The following PCDHGB6 variants were observed in gnomAD, a reference collection of about 807,000 sequenced individuals.
The protein encoded by PCDHGB6 is protocadherin gamma subfamily B, 6, also known as protocadherin gamma-B6.
PCDHGB6 carries 51 observed loss-of-function variants against 59.1 expected under a neutral mutation model. The ratio of observed to expected loss-of-function variants is 0.86; its 90% CI spans 0.69 to 1.09. The LOEUF (loss-of-function observed/expected upper bound fraction) is 1.09. Ranked by LOEUF, PCDHGB6 falls within the 50% of genes least tolerant of loss-of-function variation. PCDHGB6 has a pLI of 0.00. For missense variants in PCDHGB6, 1,148 were observed against 1,205.1 expected (o/e 0.95, Z 0.70); for synonymous variants, 466 against 495.1 (o/e 0.94, Z 0.78).
In PCDHGB6 at chr5:141,471,046, CTTT is replaced by C. The variant is rs1170588345; in HGVS notation, c.2419-23743_2419-23741del. ...ATTTTTATTAACAAGCCCAAGCCCT[CTTT>C]TTTTTTTTTTTTTTTTTGAGACAGG... On this transcript the variant is annotated intron_variant, in intron 1 of 3. Coordinates refer to ENST00000520790, the MANE Select transcript of PCDHGB6 (RefSeq NM_018926.3). 4.8e-4 allele frequency among the ~76,000 whole-genome samples: 54 copies of C among 113,240 alleles called. 1 individual carries two copies. Among genetic ancestry groups the C allele is most frequent in the Middle Eastern group, 5.2e-3 (1 of 192 alleles). 74.3% of individuals were successfully genotyped at this position (113,240 alleles called of 152,430 possible).
At chr5:141,423,429 A>G (rs1590473158) in intron 1 of PCDHGB6, 2 of 1,613,960 alleles carry the variant, frequency 1.2e-6, no homozygotes, top group African/African-American at 1.3e-5. Flanking sequence ...GCGGGTTGGC[A>G]GGTATGCCCA....
chr5:141,485,641 G>T lies in PCDHGB6; in HGVS notation c.2419-9166G>T. The T allele has an allele frequency of 6.2e-7, 1 of 1,612,012 alleles. No individual in the cohort carries two copies. Among genetic ancestry groups the T allele is most frequent in the Non-Finnish European group, 8.5e-7 (1 of 1,178,470 alleles). On this transcript the variant is annotated intron_variant, in intron 1 of 3. Transcript: ENST00000520790. The surrounding 1 kb of genome is among the most constrained non-coding windows in gnomAD (Gnocchi z 5.7). Reference sequence around the variant, plus strand: ...CAGGACAGCGTTTCCCGTTGGAAAAGGCTCAGGATGCAGATGTGGGGAGCA... The same window carrying T: ...CAGGACAGCGTTTCCCGTTGGAAAATGCTCAGGATGCAGATGTGGGGAGCA...
chr5:141,418,840 C>G, intron 1 of PCDHGB6: 1 of 1,614,006 alleles, frequency 6.2e-7, no homozygotes. Flanking sequence ...GAGGATCTCT[C>G]TCAACACGGT....
chr5:141,415,270 G>A (rs1044469814), intron 1 of PCDHGB6: 1 of 1,614,118 alleles, frequency 6.2e-7, no homozygotes, highest in Non-Finnish European at 8.5e-7. Flanking sequence ...GTACCTGGTG[G>A]TAGCGGTGGC....
chr5:141,442,818 C>A (rs553817796), intron 1 of PCDHGB6, among the ~76,000 whole-genome samples: 1 of 151,882 alleles, frequency 6.6e-6, no homozygotes, highest in Non-Finnish European at 1.5e-5. Context: ...TGTACTGATC[C>A]AAAAATAAGG....
intron 1 of PCDHGB6, among the ~76,000 whole-genome samples, chr5:141,472,422 C>T (rs1328468154): frequency 6.6e-6 from 1 of 152,008 alleles, no homozygotes; most frequent in East Asian, 1.9e-4. Flanking sequence ...GCACCTGTAT[C>T]CCAGCTACTA....
intron 1 of PCDHGB6, chr5:141,441,986 C>A (rs2098288559): frequency 1.1e-5 from 3 of 269,098 alleles, no homozygotes; most frequent in South Asian, 7.5e-5. Context: ...GAATGCGCAC[C>A]GACGAGGTGC....
At chr5:141,473,858 C>G (rs569473917) in intron 1 of PCDHGB6, among the ~76,000 whole-genome samples, 1 of 152,286 alleles carries the variant, frequency 6.6e-6, no homozygotes, top group Admixed American at 6.5e-5. Flanking sequence ...ATGAACCTCG[C>G]TATTGTGGAG....
At position 141,485,149 on chromosome 5, in the gene PCDHGB6, A is replaced by G; in HGVS notation, c.2419-9658A>G. 6.3e-7 allele frequency: 1 copy of G among 1,578,106 alleles called. No individual in the cohort carries two copies. Among genetic ancestry groups the G allele is most frequent in the South Asian group, 1.1e-5 (1 of 89,070 alleles). ...CGGCTTCATCCGCGTCTCAGGAGCA[A>G]GTAGAGAATTAGCGGGCGGCAGCAA... On this transcript the variant is annotated intron_variant, in intron 1 of 3. Transcript: ENST00000520790. This position sits in a 1 kb window ranked among gnomAD's most constrained non-coding sequence, Gnocchi z 5.7.
At chr5:141,411,881 G>T (rs1299555823) in intron 1 of PCDHGB6, 2 of 152,114 alleles carry the variant, frequency 1.3e-5, no homozygotes, top group Middle Eastern at 3.2e-3. Flanking sequence ...ACATTTCTAA[G>T]AAATAAATGA....
In PCDHGB6 at chr5:141,408,959, G is replaced by A. The variant is rs1434961395; in HGVS notation, c.757G>A (p.Glu253Lys). The part of the protein sequence containing the change: ...SRDEYRISLS[E>K]NLPPGSPVLQ... Reference sequence around the variant, plus strand: ...AGACGAATATAGAATTAGTCTTAGTGAAAATCTGCCCCCTGGGTCCCCTGT... The same window carrying A: ...AGACGAATATAGAATTAGTCTTAGTAAAAATCTGCCCCCTGGGTCCCCTGT... The change falls in exon 1 of 4, where the codon GAA becomes AAA. Residue 253 changes from glutamate (E) to lysine (K), a missense_variant. Glu to Lys is a moderately conservative substitution (Grantham distance 56). Around this residue, in one of 5 missense-constraint regions of PCDHGB6, gnomAD observed 307 missense variants for 323.8 expected, o/e 0.95. Transcript: ENST00000520790. The A allele has an allele frequency of 6.2e-7, 1 of 1,613,722 alleles. No homozygotes were observed. Among genetic ancestry groups the A allele is most frequent in the East Asian group, 2.2e-5 (1 of 44,878 alleles).
At chr5:141,483,918 T>G (rs2099588800) in intron 1 of PCDHGB6, among the ~76,000 whole-genome samples, 1 of 150,512 alleles carries the variant, frequency 6.6e-6, no homozygotes, top group Non-Finnish European at 1.5e-5. Flanking sequence ...CCACTCAGAT[T>G]GCAGGTCGTA....
intron 1 of PCDHGB6, chr5:141,415,772 T>C (rs540545854): frequency 4.5e-6 from 6 of 1,336,628 alleles, no homozygotes; most frequent in African/African-American, 1.8e-5. Context: ...TTTTTTTTTT[T>C]ACTTTCTGGT....
chr5:141,478,249 A>T, intron 1 of PCDHGB6: 1 of 1,614,110 alleles, frequency 6.2e-7, no homozygotes, highest in African/African-American at 1.3e-5. Context: ...CAGTGTTCGG[A>T]GTAATCATAT....
chr5:141,422,996 C>G lies in PCDHGB6; in HGVS notation c.2418+12376C>G. 1.2e-6 allele frequency: 2 copies of G among 1,614,224 alleles called. No homozygotes were observed. The highest frequency in any genetic ancestry group is 1.7e-6 in the Non-Finnish European group (2 of 1,180,046). On this transcript the variant is annotated intron_variant, in intron 1 of 3. Coordinates refer to ENST00000520790, the MANE Select transcript of PCDHGB6 (RefSeq NM_018926.3). ...TCTGCGGAACCTGGCTACCTGGTGA[C>G]CAAGGTGGTTGCGGTGGACAAAGAT...
At chr5:141,430,846 C>CCA in intron 1 of PCDHGB6, 1 of 1,576,346 alleles carries the variant, frequency 6.3e-7, no homozygotes, top group Non-Finnish European at 8.6e-7. Context: ...CCGGATGCAC[C>CCA]CAGATACGCT....
Position 141,491,162 on chromosome 5 carries a change from C to T in PCDHGB6, c.2419-3645C>T. 6.2e-7 allele frequency: 1 copy of T among 1,614,112 alleles called. No homozygotes were observed. Among genetic ancestry groups the T allele is most frequent in the Non-Finnish European group, 8.5e-7 (1 of 1,179,952 alleles). On this transcript the variant is annotated intron_variant, in intron 1 of 3. Coordinates refer to ENST00000520790, the MANE Select transcript of PCDHGB6 (RefSeq NM_018926.3). This position sits in a 1 kb window ranked among gnomAD's most constrained non-coding sequence, Gnocchi z 6.9. ...GCCTTACTGGAGGATGACTCTGACA[C>T]CCAGCAGGTGGTGGTCCTGGTGAGG...
rs1370251538 is a variant in PCDHGB6 at position 141,410,544 on chromosome 5, G to A, written c.2342G>A (p.Cys781Tyr). The change falls in exon 1 of 4, where the codon TGC (cysteine) becomes TAC (tyrosine). Residue 781 changes from cysteine to tyrosine, a missense_variant. Transcript: ENST00000520790. Reference sequence around the variant, plus strand: ...CTACATTCCAATGAAGACATGGTTTGCAGTGTTTCTCCTGGAGCCTTAATT... The same window carrying A: ...CTACATTCCAATGAAGACATGGTTTACAGTGTTTCTCCTGGAGCCTTAATT... ...VPLHSNEDMV[C>Y]SVSPGALIPP... 1.9e-6 allele frequency: 3 copies of A among 1,613,640 alleles called. No individual in the cohort carries two copies. Among genetic ancestry groups the A allele is most frequent in the Non-Finnish European group, 2.5e-6 (3 of 1,179,894 alleles).
At chr5:141,447,650 T>TC (rs1036312126) in intron 1 of PCDHGB6, among the ~76,000 whole-genome samples, 5 of 151,988 alleles carry the variant, frequency 3.3e-5, no homozygotes, top group Non-Finnish European at 5.9e-5. Context: ...GGTAGAATTT[T>TC]CCCCCCCAGG....
Sources: gnomAD v4.1 joint callset for allele counts (sites outside exome capture counted in the v4.1 genomes callset) on GRCh38, gnomAD v4.1.1 for gene constraint, gnomAD v4.1.1 regional missense constraint, Gnocchi (gnomAD v3.1) non-coding constraint, MANE v1.5 for transcripts, NCBI Gene and HGNC (gene_info 2026-07-23, HGNC 2026-07-21) for gene names.